REDIC1: variants seen among roughly 807,000 people sequenced by gnomAD.
REDIC1 encodes the protein HEI10 Interacting Protein 1.
At chr12:39,906,384 C>T in the REDIC1 span, among the ~76,000 whole-genome samples, 1 of 152,054 alleles carries the variant, frequency 6.6e-6, no homozygotes, top group African/African-American at 2.4e-5. Context: ...CCTTGATATG[C>T]ACATTTATAT....
At chr12:39,651,960 A>G in the REDIC1 span, among the ~76,000 whole-genome samples, 1 of 152,094 alleles carries the variant, frequency 6.6e-6, no homozygotes, top group African/African-American at 2.4e-5. Flanking sequence ...GTATTAGCCC[A>G]TATTTTCTAT....
chr12:39,700,528 C>A, the REDIC1 span, among the ~76,000 whole-genome samples: 1 of 152,094 alleles, frequency 6.6e-6, no homozygotes, highest in Non-Finnish European at 1.5e-5. Flanking sequence ...TATTATCCAG[C>A]AGAACTTCCC....
the REDIC1 span, among the ~76,000 whole-genome samples, chr12:39,805,536 CTT>C: frequency 6.6e-6 from 1 of 150,804 alleles, no homozygotes; most frequent in Non-Finnish European, 1.5e-5. Context: ...TCCCCAGAGA[CTT>C]TATTCCCATA....
chr12:39,765,796 C>A, the REDIC1 span, among the ~76,000 whole-genome samples: 1 of 152,096 alleles, frequency 6.6e-6, no homozygotes, highest in Non-Finnish European at 1.5e-5. Flanking sequence ...TAAATGCGTG[C>A]TGTAGTGGTT....
chr12:39,648,106 T>C, the REDIC1 span: 1 of 591,242 alleles, frequency 1.7e-6, no homozygotes, highest in Admixed American at 4.3e-5. Context: ...AGGAGATAAA[T>C]TAAGGTTCAT....
chr12:39,827,291 T>A, the REDIC1 span, among the ~76,000 whole-genome samples: 1 of 152,282 alleles, frequency 6.6e-6, no homozygotes, highest in South Asian at 2.1e-4. Flanking sequence ...TTGGTTTTGC[T>A]TTTTCATGTG....
the REDIC1 span, among the ~76,000 whole-genome samples, chr12:39,780,295 A>G: frequency 2.6e-5 from 4 of 152,212 alleles, no homozygotes; most frequent in African/African-American, 9.6e-5. Flanking sequence ...CTCCTTCAAC[A>G]TAATCATCTT....
At chr12:39,758,470 A>G in the REDIC1 span, 1 of 151,994 alleles carries the variant, frequency 6.6e-6, no homozygotes, top group Non-Finnish European at 1.5e-5. Context: ...TTAAAAATGC[A>G]TCAAACTGAT....
the REDIC1 span, chr12:39,760,171 T>G: frequency 6.2e-7 from 1 of 1,612,938 alleles, no homozygotes; most frequent in Non-Finnish European, 8.5e-7. Context: ...TTCCTCTAAT[T>G]TTTTGCCTTT....
the REDIC1 span, among the ~76,000 whole-genome samples, chr12:39,668,933 G>T: frequency 1.2e-4 from 17 of 147,314 alleles, 1 homozygote; most frequent in South Asian, 2.2e-3. Context: ...CTCTGCATTG[G>T]TTATTCTAGT....
At chr12:39,659,302 G>A in the REDIC1 span, among the ~76,000 whole-genome samples, 1 of 151,760 alleles carries the variant, frequency 6.6e-6, no homozygotes, top group African/African-American at 2.4e-5. Context: ...TATTTCTTAT[G>A]TTTGGGTTTT....
chr12:39,864,908 G>A, the REDIC1 span: 2 of 1,592,706 alleles, frequency 1.3e-6, no homozygotes, highest in East Asian at 4.5e-5. Context: ...TTTTATATTA[G>A]AGAAGAGTTG....
chr12:39,858,338 T>C, the REDIC1 span, among the ~76,000 whole-genome samples: 1 of 152,200 alleles, frequency 6.6e-6, no homozygotes, highest in African/African-American at 2.4e-5. Context: ...TAGTAACACA[T>C]ACAACATTGT....
the REDIC1 span, among the ~76,000 whole-genome samples, chr12:39,887,337 A>G: frequency 6.6e-6 from 1 of 152,140 alleles, no homozygotes; most frequent in Non-Finnish European, 1.5e-5. Context: ...GTTATATCCC[A>G]AAAGTACCCT....
the REDIC1 span, among the ~76,000 whole-genome samples, chr12:39,771,183 ACT>A: frequency 6.6e-6 from 1 of 151,874 alleles, no homozygotes; most frequent in Non-Finnish European, 1.5e-5. Flanking sequence ...CGGGAGAGAG[ACT>A]CTAGAGTAAC....
At chr12:39,753,875 T>C in the REDIC1 span, among the ~76,000 whole-genome samples, 1 of 152,114 alleles carries the variant, frequency 6.6e-6, no homozygotes, top group Non-Finnish European at 1.5e-5. Context: ...AGTGGTTCAG[T>C]AATTTAGGTT....
the REDIC1 span, among the ~76,000 whole-genome samples, chr12:39,840,712 C>T: frequency 5.9e-5 from 9 of 151,982 alleles, no homozygotes; most frequent in Admixed American, 1.3e-4. Flanking sequence ...TATCACAAAA[C>T]GCTCATATTA....
At chr12:39,804,816 T>C in the REDIC1 span, among the ~76,000 whole-genome samples, 15 of 152,102 alleles carry the variant, frequency 9.9e-5, no homozygotes, top group African/African-American at 3.6e-4. Context: ...TAAATATAGA[T>C]GGAGAATTAT....
At chr12:39,633,753 T>TGTTGTATAA in the REDIC1 span, among the ~76,000 whole-genome samples, 2 of 152,322 alleles carry the variant, frequency 1.3e-5, no homozygotes, top group South Asian at 4.1e-4. Context: ...ATGGGACCAC[T>TGTTGTATAA]GTTGTATAAG....
Sources: gnomAD v4.1 joint callset for allele counts (sites outside exome capture counted in the v4.1 genomes callset) on GRCh38, gnomAD v4.1.1 for gene constraint, MANE v1.5 for transcripts, NCBI Gene and HGNC (gene_info 2026-07-23, HGNC 2026-07-21) for gene names.